SRP68: variants seen among roughly 807,000 people sequenced by gnomAD.
SRP68 encodes signal recognition particle 68.
In SRP68, 15 loss-of-function variants were observed where a neutral mutation model predicts 82.2. The observed-to-expected ratio is 0.18, with a 90% CI of 0.12 to 0.28. SRP68 has a LOEUF of 0.28. Ranked by LOEUF, SRP68 falls within the 10% of genes least tolerant of loss-of-function variation. The probability of loss-of-function intolerance (pLI) is 1.00; values close to 1 mark genes in which losing one functional copy is unlikely to be tolerated. For synonymous variants in SRP68, 261 were observed against 292.6 expected (o/e 0.89, Z 1.10); for missense variants, 595 against 780.5 (o/e 0.76, Z 2.83).
chr17:76,053,009 C>T (rs529608681), intron 8 of SRP68, among the ~76,000 whole-genome samples: 32 of 151,660 alleles, frequency 2.1e-4, no homozygotes, highest in South Asian at 4.2e-4. Context: ...CGCCTGTAAT[C>T]CCAGCACTTT....
At chr17:76,066,027 C>G (rs1046031408) in intron 3 of SRP68, among the ~76,000 whole-genome samples, 6 of 151,914 alleles carry the variant, frequency 3.9e-5, no homozygotes, top group African/African-American at 1.4e-4. Flanking sequence ...GTGGCAGCAG[C>G]GTAATTTGGC....
chr17:76,040,545 C>T (rs2066581747), intron 14 of SRP68, 71 bp from the exon 15 acceptor site: 2 of 1,482,552 alleles, frequency 1.3e-6, no homozygotes, highest in Non-Finnish European at 1.9e-6. Context: ...TGAGGCCTAT[C>T]ACACAGGTGG....
Position 76,060,393 on chromosome 17 carries a change from A to G in SRP68, c.755-3T>C, listed in dbSNP as rs747381724. 2 of 1,611,084 alleles carry G rather than the reference A, an allele frequency of 1.2e-6. No homozygotes were observed. Among genetic ancestry groups the G allele is most frequent in the South Asian group, 1.1e-5 (1 of 90,896 alleles). On this transcript the variant is annotated splice_polypyrimidine_tract_variant and splice_region_variant and intron_variant, in intron 6 of 15. Transcript: ENST00000307877. The stretch of plus-strand genomic sequence containing the variant: ...TTCATTGATGGCTGACTGGTCCCCT[A>G]AGAGAGAAAGACAGGAAAATCTTCA...
chr17:76,048,874 A>AC (rs1266904767), intron 9 of SRP68: 1 of 152,248 alleles, frequency 6.6e-6, no homozygotes, highest in Non-Finnish European at 1.5e-5. Context: ...AAGGTGAATG[A>AC]CAGTGACAGG....
chr17:76,051,841 T>C (rs1398419292), intron 8 of SRP68, among the ~76,000 whole-genome samples: 3 of 152,210 alleles, frequency 2.0e-5, no homozygotes, highest in Non-Finnish European at 2.9e-5. Context: ...CCACGGGCAA[T>C]GTCCTCTACG....
Position 76,040,479 on chromosome 17 carries a change from A to G in SRP68, c.1601-5T>C. 6.2e-7 allele frequency: 1 copy of G among 1,613,828 alleles called. No homozygotes were observed. Among genetic ancestry groups the G allele is most frequent in the Non-Finnish European group, 8.5e-7 (1 of 1,179,716 alleles). ...TTTGATGAGCGTCGTTTGCATCTGAAAGTTTCACAGGGATTCAGTAAGAAC... is the reference window on the plus strand; with the variant it reads ...TTTGATGAGCGTCGTTTGCATCTGAGAGTTTCACAGGGATTCAGTAAGAAC... On this transcript the variant is annotated splice_region_variant and splice_polypyrimidine_tract_variant and intron_variant, in intron 14 of 15. Transcript: ENST00000307877.
chr17:76,040,057 C>G, intron 15 of SRP68, 124 bp from the exon 16 acceptor site: 2 of 920,172 alleles, frequency 2.2e-6, no homozygotes, highest in Non-Finnish European at 3.3e-6. Flanking sequence ...CACTCAATCC[C>G]GACAGCCTCC....
At chr17:76,062,498 A>G (rs536282867) in intron 4 of SRP68, among the ~76,000 whole-genome samples, 3 of 105,778 alleles carry the variant, frequency 2.8e-5, no homozygotes, top group African/African-American at 8.6e-5. Context: ...ATATATATAT[A>G]ATATATATAT....
At chr17:76,062,734 T>TATATATATATATATATAAA (rs2066773128) in intron 4 of SRP68, among the ~76,000 whole-genome samples, 2 of 8,002 alleles carry the variant, frequency 2.5e-4, no homozygotes, top group African/African-American at 2.5e-3. Context: ...TTATTTTATA[T>TATATATATATATATATAAA]ATATATATAT....
Position 76,039,971 on chromosome 17 carries a change from C to A in SRP68, c.1657-38G>T. ...TCAAAGAGACGTATGTAGCATCGGT[C>A]ACAGAACACCCTTGGTGAACATTCC... On this transcript the variant is annotated intron_variant, in intron 15 of 15. Transcript: ENST00000307877. 1.9e-6 allele frequency: 3 copies of A among 1,595,984 alleles called. No individual in the cohort carries two copies. In the South Asian group the frequency reaches 3.4e-5, roughly 18 times the overall value.
chr17:76,066,631 A>G (rs1007702826), intron 3 of SRP68, among the ~76,000 whole-genome samples: 1 of 126,024 alleles, frequency 7.9e-6, no homozygotes, highest in Admixed American at 8.2e-5. Flanking sequence ...TTTTGGTTTT[A>G]AAAAGCAGAG....
intron 2 of SRP68, 37 bp downstream of exon 2, chr17:76,070,341 C>T: frequency 6.4e-7 from 1 of 1,566,004 alleles, no homozygotes. Context: ...AAGCAAGTCC[C>T]ACAATGATTT....
At chr17:76,041,794 G>A (rs2066592327) in intron 13 of SRP68, among the ~76,000 whole-genome samples, 1 of 152,094 alleles carries the variant, frequency 6.6e-6, no homozygotes, top group African/African-American at 2.4e-5. Flanking sequence ...GCTCTCTGAA[G>A]GCAGAGAGCT....
chr17:76,051,881 G>A (rs1055944945), intron 8 of SRP68, among the ~76,000 whole-genome samples: 9 of 152,112 alleles, frequency 5.9e-5, no homozygotes, highest in Non-Finnish European at 8.8e-5. Flanking sequence ...CTGAGCACTC[G>A]GAAGTTTTAT....
intron 2 of SRP68, among the ~76,000 whole-genome samples, chr17:76,070,024 C>T (rs552466643): frequency 2.0e-5 from 3 of 152,010 alleles, no homozygotes; most frequent in East Asian, 3.9e-4. Flanking sequence ...CTGCAGTGAG[C>T]CAGGATTGCG....
At chr17:76,061,941 T>G (rs887622177) in intron 4 of SRP68, among the ~76,000 whole-genome samples, 1 of 151,176 alleles carries the variant, frequency 6.6e-6, no homozygotes, top group Middle Eastern at 3.4e-3. Context: ...GAGTTCAAGA[T>G]CGGCCTGGGC....
intron 4 of SRP68, among the ~76,000 whole-genome samples, chr17:76,063,012 T>C (rs993251343): frequency 1.9e-4 from 29 of 151,256 alleles, no homozygotes; most frequent in South Asian, 4.2e-4. Flanking sequence ...CTTTGTGATC[T>C]GCCCACCTTG....
intron 7 of SRP68, 71 bp from the exon 8 acceptor site, chr17:76,057,614 T>TCTATA: frequency 6.5e-7 from 1 of 1,532,260 alleles, no homozygotes; most frequent in Non-Finnish European, 9.0e-7. Flanking sequence ...ATAAGTGGAA[T>TCTATA]CTATCATTTG....
At chr17:76,062,891 C>T (rs1270008885) in intron 4 of SRP68, among the ~76,000 whole-genome samples, 1 of 146,842 alleles carries the variant, frequency 6.8e-6, no homozygotes, top group African/African-American at 2.6e-5. Flanking sequence ...CTGCCTCTGC[C>T]TCCTGAGTAG....
Sources: allele counts gnomAD v4.1 joint callset (sites outside exome capture counted in the v4.1 genomes callset), GRCh38; gene constraint gnomAD v4.1.1; transcripts MANE v1.5; gene names NCBI Gene and HGNC (gene_info 2026-07-23, HGNC 2026-07-21).